The following LMF1 variants were observed in gnomAD, a reference collection of about 807,000 sequenced individuals.
The protein encoded by LMF1 is lipase maturation factor 1, also known as transmembrane protein 112.
Under a neutral mutation model 60.6 loss-of-function variants are expected in LMF1, and 68 were observed. The observed-to-expected ratio is 1.12, with a 90% CI of 0.92 to 1.37. The LOEUF is 1.37. Among genes scored for constraint, LMF1 ranks in the 40% most tolerant of loss-of-function variants. LMF1 has a pLI of 0.00. For synonymous variants in LMF1, 418 were observed against 324.7 expected (o/e 1.29, Z -3.09); for missense variants, 948 against 767.2 (o/e 1.24, Z -2.78).
chr16:890,876 C>T (rs892394407), intron 5 of LMF1, among the ~76,000 whole-genome samples: 1 of 152,222 alleles, frequency 6.6e-6, no homozygotes, highest in Non-Finnish European at 1.5e-5. Flanking sequence ...GCAGTGACAC[C>T]GAGGGTGCCT....
chr16:924,387 T>C (rs1448690767), intron 3 of LMF1, among the ~76,000 whole-genome samples: 1 of 152,180 alleles, frequency 6.6e-6, no homozygotes, highest in African/African-American at 2.4e-5. Flanking sequence ...TGTAATACAA[T>C]TTGACTATTC....
chr16:869,783 C>T lies in LMF1; in HGVS notation c.1416+100G>A, dbSNP rs1449551844. On this transcript the variant is annotated intron_variant, in intron 9 of 10. Coordinates refer to ENST00000262301, the MANE Select transcript of LMF1 (RefSeq NM_022773.4). ...TCCCATCTCTCCCAGCCTCCCTCCC[C>T]ACCAGCCCCTTCAGTGGGCGTTCTA... 1.2e-5 allele frequency: 15 copies of T among 1,244,944 alleles called. No individual in the cohort carries two copies. In the East Asian group the frequency reaches 3.8e-4, roughly 32 times the overall value. 77.1% of individuals were successfully genotyped at this position (1,244,944 alleles called of 1,614,324 possible).
chr16:911,800 G>A (rs973942845), intron 3 of LMF1, among the ~76,000 whole-genome samples: 1 of 152,050 alleles, frequency 6.6e-6, no homozygotes, highest in African/African-American at 2.4e-5. Context: ...GCCAGGCAAG[G>A]ATGCAGAGGC....
chr16:868,890 C>T, intron 10 of LMF1, 54 bp downstream of exon 10: 1 of 1,159,398 alleles, frequency 8.6e-7, no homozygotes, highest in East Asian at 2.3e-5. Context: ...GGGATCCCAG[C>T]AGACACCTGG....
chr16:911,481 C>A (rs1038085361), intron 3 of LMF1, among the ~76,000 whole-genome samples: 1 of 151,302 alleles, frequency 6.6e-6, no homozygotes, highest in Non-Finnish European at 1.5e-5. Flanking sequence ...CAGCTTTCAC[C>A]TTCTTCCCAG....
chr16:930,370 C>G (rs954639775), intron 3 of LMF1, among the ~76,000 whole-genome samples: 2 of 152,184 alleles, frequency 1.3e-5, no homozygotes, highest in Non-Finnish European at 1.5e-5. Context: ...CAAAGACCAG[C>G]CTGGGCAGCA....
At chr16:875,546 C>A (rs2069948155) in intron 6 of LMF1, among the ~76,000 whole-genome samples, 1 of 152,178 alleles carries the variant, frequency 6.6e-6, no homozygotes, top group South Asian at 2.1e-4. Flanking sequence ...AGAGCTTCTC[C>A]CAGGCAGCAT....
chr16:919,151 C>T (rs547060837), intron 3 of LMF1, among the ~76,000 whole-genome samples: 4 of 152,218 alleles, frequency 2.6e-5, no homozygotes, highest in South Asian at 2.1e-4. Context: ...TGTTTTCACT[C>T]GCGGCTTTTC....
intron 1 of LMF1, among the ~76,000 whole-genome samples, chr16:968,146 C>T (rs982917224): frequency 2.0e-5 from 3 of 152,222 alleles, no homozygotes; most frequent in African/African-American, 4.8e-5. Context: ...CGCCCAGGCC[C>T]GCGGTGGGAA....
intron 10 of LMF1, among the ~76,000 whole-genome samples, chr16:857,971 C>A (rs1345827555): frequency 2.1e-4 from 6 of 28,828 alleles, no homozygotes; most frequent in African/African-American, 4.0e-4. Flanking sequence ...CGTGGTGTCT[C>A]GGGATGGGTG....
intron 10 of LMF1, among the ~76,000 whole-genome samples, chr16:866,848 A>C (rs2069622597): frequency 6.6e-6 from 1 of 152,094 alleles, no homozygotes; most frequent in Admixed American, 6.5e-5. Flanking sequence ...CCTCACCCCC[A>C]AGTCTAGAAA....
At chr16:954,792 G>T in intron 1 of LMF1, 126 bp from the exon 2 acceptor site, 2 of 845,060 alleles carry the variant, frequency 2.4e-6, no homozygotes, top group East Asian at 2.6e-5. Flanking sequence ...GACGGTTTGG[G>T]GCCAAACCCT....
rs891622903 is a variant in LMF1 at position 854,323 on chromosome 16, G to A, written c.*209C>T. 1 of 699,840 alleles carries A rather than the reference G, an allele frequency of 1.4e-6. No individual in the cohort carries two copies. The allele number at this position is 699,840 out of a possible 1,614,324, so 43.4% of individuals were successfully genotyped here. ...GGCGCCTGGGACAAGGGTTGGCCTGGATGTGGGGCCCCAGGTGGGCAGGGC... is the reference window on the plus strand; with the variant it reads ...GGCGCCTGGGACAAGGGTTGGCCTGAATGTGGGGCCCCAGGTGGGCAGGGC... On this transcript the variant is annotated 3_prime_UTR_variant, in exon 11 of 11. Transcript: ENST00000262301.
At chr16:892,945 A>C (rs1305254209) in intron 5 of LMF1, 62 bp downstream of exon 5, 1 of 1,322,678 alleles carries the variant, frequency 7.6e-7, no homozygotes, top group East Asian at 2.6e-5. Context: ...AGCCCCGCCA[A>C]GAGTGGGAAC....
chr16:928,873 A>G (rs1039908379), intron 3 of LMF1, among the ~76,000 whole-genome samples: 1 of 152,216 alleles, frequency 6.6e-6, no homozygotes, highest in Non-Finnish European at 1.5e-5. Flanking sequence ...CAAAGAAATT[A>G]CAAAACGATT....
At chr16:935,105 A>T (rs1034717121) in intron 2 of LMF1, among the ~76,000 whole-genome samples, 30 of 145,854 alleles carry the variant, frequency 2.1e-4, no homozygotes, top group African/African-American at 7.5e-4. Context: ...GTTGATCAGA[A>T]TTTTTTTTTT....
chr16:889,543 G>T (rs138166988), intron 5 of LMF1, among the ~76,000 whole-genome samples: 12 of 152,202 alleles, frequency 7.9e-5, no homozygotes, highest in African/African-American at 9.6e-5. Flanking sequence ...TGAAACTTCC[G>T]GAGGTTTTCA....
At chr16:863,123 C>A (rs1045142933) in intron 10 of LMF1, among the ~76,000 whole-genome samples, 1 of 152,094 alleles carries the variant, frequency 6.6e-6, no homozygotes, top group Non-Finnish European at 1.5e-5. Context: ...AGATGTTTGT[C>A]GTAGTCGCTT....
intron 6 of LMF1, 190 bp from the exon 7 acceptor site, chr16:871,531 A>C (rs2069793520): frequency 3.3e-6 from 2 of 610,464 alleles, no homozygotes; most frequent in South Asian, 4.0e-5. Context: ...GATGCCTCAG[A>C]GGTGCCTTCC....
Sources: gnomAD v4.1 joint callset for allele counts (sites outside exome capture counted in the v4.1 genomes callset) on GRCh38, gnomAD v4.1.1 for gene constraint, MANE v1.5 for transcripts, NCBI Gene and HGNC (gene_info 2026-07-23, HGNC 2026-07-21) for gene names.